Variants in RYR2 observed in about 807,000 individuals in gnomAD.
RYR2 encodes the protein ryanodine receptor 2, also known as cardiac muscle ryanodine receptor-calcium release channel.
Under a neutral mutation model 601.1 loss-of-function variants are expected in RYR2, and 227 were observed. That is an observed-to-expected ratio of 0.38 (90% confidence interval 0.34 to 0.42). The LOEUF (loss-of-function observed/expected upper bound fraction) is 0.42, where lower values mean the gene tolerates loss of function less well. Ranked by LOEUF, RYR2 falls within the 10% of genes least tolerant of loss-of-function variation. RYR2 has a pLI of 1.00. For synonymous variants in RYR2, 2,223 were observed against 2,175.1 expected (o/e 1.02, Z -0.61); for missense variants, 4,646 against 6,156.5 (o/e 0.75, Z 8.21).
In RYR2 at chr1:237,606,504, G is replaced by A. The variant is rs186920687; in HGVS notation, c.4684-4258G>A. Among the ~76,000 whole-genome samples the A allele has an allele frequency of 4.5e-3, 685 of 152,180 alleles. 4 individuals are homozygous for A. The highest frequency in any genetic ancestry group is 0.01 in the Middle Eastern group (3 of 294). ...AGGCAATACCATTCAGGACATAGGC[G>A]TGGGCAAGGACTTCATGTCTAAAAC... On this transcript the variant is annotated intron_variant, in intron 35 of 104. Coordinates refer to ENST00000366574, the MANE Select transcript of RYR2 (RefSeq NM_001035.3).
chr1:237,128,137 C>T (rs1671738594), intron 1 of RYR2, among the ~76,000 whole-genome samples: 1 of 152,224 alleles, frequency 6.6e-6, no homozygotes, highest in South Asian at 2.1e-4. Flanking sequence ...AATCCCGGCA[C>T]CTCGGGAGGC....
intron 1 of RYR2, among the ~76,000 whole-genome samples, chr1:237,123,650 A>ATTTTT (rs869177997): frequency 7.6e-5 from 6 of 78,928 alleles, no homozygotes; most frequent in African/African-American, 1.5e-4. Context: ...ATCAGTCACT[A>ATTTTT]TTTTTTTTTT....
chr1:237,344,765 A>T (rs1314135084), intron 3 of RYR2, among the ~76,000 whole-genome samples: 2 of 152,148 alleles, frequency 1.3e-5, no homozygotes, highest in Admixed American at 6.5e-5. Context: ...AACCAACACC[A>T]CATTGTCTTG....
chr1:237,359,084 A>G (rs959039892), intron 4 of RYR2, among the ~76,000 whole-genome samples: 2 of 152,138 alleles, frequency 1.3e-5, no homozygotes, highest in African/African-American at 2.4e-5. Flanking sequence ...AAAGCCCTTC[A>G]GAAGTTGAAA....
At chr1:237,401,659 C>T (rs1457318821) in intron 10 of RYR2, among the ~76,000 whole-genome samples, 1 of 152,122 alleles carries the variant, frequency 6.6e-6, no homozygotes, top group East Asian at 1.9e-4. Context: ...CTTCAGTGCC[C>T]AGAATGTTTG....
rs1393190899 is a variant in RYR2 at position 237,610,390 on chromosome 1, C to T, written c.4684-372C>T. On this transcript the variant is annotated intron_variant, in intron 35 of 104. Transcript: ENST00000366574. The surrounding 1 kb of genome is among the most constrained non-coding windows in gnomAD (Gnocchi z 4.9). ...AGGGGGATGTGACATATCTGTCATT[C>T]AGGAAGTTTGGCACTGAAAGTCCCT... Among the ~76,000 whole-genome samples the T allele has an allele frequency of 6.6e-6, 1 of 152,074 alleles. No individual in the cohort carries two copies. Among genetic ancestry groups the T allele is most frequent in the Non-Finnish European group, 1.5e-5 (1 of 68,014 alleles).
chr1:237,809,439 T>A (rs1661024635), intron 100 of RYR2, among the ~76,000 whole-genome samples: 1 of 152,206 alleles, frequency 6.6e-6, no homozygotes, highest in Non-Finnish European at 1.5e-5. Context: ...TTCCTAGAAC[T>A]ACTGGTTTTT....
chr1:237,783,235 G>A (rs1269123108), intron 89 of RYR2, among the ~76,000 whole-genome samples: 2 of 151,958 alleles, frequency 1.3e-5, no homozygotes, highest in African/African-American at 2.4e-5. Flanking sequence ...TTTCCTCATC[G>A]GTAAAATTAG....
intron 6 of RYR2, among the ~76,000 whole-genome samples, chr1:237,370,808 C>T (rs919106576): frequency 1.8e-4 from 27 of 151,738 alleles, no homozygotes; most frequent in Non-Finnish European, 2.9e-4. Flanking sequence ...CTACAGGTGC[C>T]CGCCACCACA....
At chr1:237,125,774 A>C (rs1028528493) in intron 1 of RYR2, among the ~76,000 whole-genome samples, 3 of 152,252 alleles carry the variant, frequency 2.0e-5, no homozygotes, top group African/African-American at 7.2e-5. Flanking sequence ...TTATTTAAGC[A>C]TGGGCAGGAA....
chr1:237,361,633 T>C (rs773546770), intron 4 of RYR2, among the ~76,000 whole-genome samples: 3 of 152,216 alleles, frequency 2.0e-5, no homozygotes, highest in Non-Finnish European at 4.4e-5. Context: ...GACATTTCAA[T>C]AACAGTTTCT....
At chr1:237,061,547 A>T (rs966929614) in intron 1 of RYR2, among the ~76,000 whole-genome samples, 9 of 152,174 alleles carry the variant, frequency 5.9e-5, no homozygotes, top group Admixed American at 1.3e-4. Flanking sequence ...CCTGGCTTCA[A>T]GTGCTCCTTC....
chr1:237,709,549 C>G lies in RYR2; in HGVS notation c.10212C>G (p.Ile3404Met). 6.2e-7 allele frequency: 1 copy of G among 1,609,310 alleles called. No individual in the cohort carries two copies. Among genetic ancestry groups the G allele is most frequent in the Non-Finnish European group, 8.5e-7 (1 of 1,177,274 alleles). The change falls in exon 70 of 105, where the codon ATC becomes ATG. Residue 3404 changes from isoleucine to methionine, a missense_variant. By Grantham distance (10) the Ile-to-Met change is conservative. Around this residue, in one of 17 missense-constraint regions of RYR2, gnomAD observed 1,497 missense variants for 1,842.6 expected, o/e 0.81. Coordinates refer to ENST00000366574, the MANE Select transcript of RYR2 (RefSeq NM_001035.3). The part of the protein sequence containing the change: ...ELFRMVAEVF[I>M]YWSKSHNFKR... ...TCCGCATGGTGGCTGAAGTGTTTATCTACTGGTCGAAGTCCCATGTGAGTG... is the reference window on the plus strand; with the variant it reads ...TCCGCATGGTGGCTGAAGTGTTTATGTACTGGTCGAAGTCCCATGTGAGTG...
chr1:237,056,442 C>A (rs557339268), intron 1 of RYR2, among the ~76,000 whole-genome samples: 1 of 143,746 alleles, frequency 7.0e-6, no homozygotes, highest in South Asian at 2.3e-4. Context: ...TGGAGCACTG[C>A]AACTGTGAGG....
Position 237,709,413 on chromosome 1 carries a change from GGT to G in RYR2, c.10143-66_10143-65del. ...TCAGTACATTTAACTTTGGGGGGAT[GGT>G]TTTTTTTTTTTAAATTAACTTTAAG... On this transcript the variant is annotated intron_variant, in intron 69 of 104. Transcript: ENST00000366574. 6 of 877,528 alleles carry G rather than the reference GGT, an allele frequency of 6.8e-6. No homozygotes were observed. The African/African-American group carries it at 1.1e-4, about 15-fold the overall frequency. The allele number at this position is 877,528 out of a possible 1,614,324, so 54.4% of individuals were successfully genotyped here.
chr1:237,591,925 A>G, intron 32 of RYR2, 72 bp downstream of exon 32: 2 of 985,342 alleles, frequency 2.0e-6, no homozygotes, highest in South Asian at 1.5e-5. Flanking sequence ...AGTAATACAT[A>G]CCGATTCATC....
At chr1:237,087,260 C>A (rs1368624646) in intron 1 of RYR2, among the ~76,000 whole-genome samples, 4 of 152,082 alleles carry the variant, frequency 2.6e-5, no homozygotes, top group Non-Finnish European at 5.9e-5. Flanking sequence ...ACTCACTGGG[C>A]TTGGTTTTCG....
chr1:237,497,466 T>C (rs1664195460), intron 20 of RYR2, among the ~76,000 whole-genome samples: 1 of 152,200 alleles, frequency 6.6e-6, no homozygotes, highest in Non-Finnish European at 1.5e-5. Flanking sequence ...CTTGATTATG[T>C]AGATTTTTTA....
chr1:237,801,624 G>A (rs1026605660), intron 97 of RYR2, among the ~76,000 whole-genome samples: 1 of 151,858 alleles, frequency 6.6e-6, no homozygotes, highest in Non-Finnish European at 1.5e-5. Context: ...AACATAAGAC[G>A]AAGGTGATGA....
Sources: gnomAD v4.1 joint callset for allele counts (sites outside exome capture counted in the v4.1 genomes callset) on GRCh38, gnomAD v4.1.1 for gene constraint, gnomAD v4.1.1 regional missense constraint, Gnocchi (gnomAD v3.1) non-coding constraint, MANE v1.5 for transcripts, NCBI Gene and HGNC (gene_info 2026-07-23, HGNC 2026-07-21) for gene names.